The following AEBP2 variants were observed in gnomAD, a reference collection of about 807,000 sequenced individuals.
AEBP2 encodes AE binding protein 2, also known as zinc finger protein AEBP2.
A neutral mutation model predicts 50.8 loss-of-function variants in AEBP2; 10 were observed. The observed-to-expected ratio is 0.20, with a 90% confidence interval of 0.12 to 0.33. The LOEUF (loss-of-function observed/expected upper bound fraction) is 0.33. AEBP2 is among the 10% of genes least tolerant of loss of function. The probability of loss-of-function intolerance (pLI) is 1.00; values close to 1 mark genes in which losing one functional copy is unlikely to be tolerated. For synonymous variants in AEBP2, 296 were observed against 261.3 expected, an observed-to-expected ratio of 1.13 and a Z score of -1.28; for missense variants, 570 against 688.0, an observed-to-expected ratio of 0.83 and a Z score of 1.92.
At chr12:19,499,861 G>T (rs767190297) in intron 4 of AEBP2, among the ~76,000 whole-genome samples, 2 of 152,116 alleles carry the variant, frequency 1.3e-5, no homozygotes, top group Non-Finnish European at 2.9e-5. Flanking sequence ...GGAATCATGA[G>T]GTTTGAGGTT....
At chr12:19,456,366 C>G (rs908448370) in intron 1 of AEBP2, 2 of 1,379,744 alleles carry the variant, frequency 1.4e-6, no homozygotes, top group African/African-American at 2.9e-5. Flanking sequence ...AACAGCAGCG[C>G]GACCCAGAGG....
intron 2 of AEBP2, among the ~76,000 whole-genome samples, chr12:19,472,845 T>C (rs926224898): frequency 2.1e-4 from 32 of 152,238 alleles, no homozygotes; most frequent in African/African-American, 7.2e-4. Context: ...TTTAAAAAGG[T>C]ATATTTTTAC....
At chr12:19,463,500 C>G (rs1406881707) in intron 2 of AEBP2, among the ~76,000 whole-genome samples, 1 of 151,976 alleles carries the variant, frequency 6.6e-6, no homozygotes, top group Non-Finnish European at 1.5e-5. Context: ...CCTGGCATCA[C>G]TATTGAAGAA....
chr12:19,513,143 A>G (rs563517561), intron 6 of AEBP2, among the ~76,000 whole-genome samples: 1 of 152,298 alleles, frequency 6.6e-6, no homozygotes, highest in African/African-American at 2.4e-5. Flanking sequence ...TCCAAGCAGT[A>G]TACAAGCAGC....
chr12:19,494,114 C>T, intron 4 of AEBP2, 128 bp downstream of exon 4: 9 of 1,010,616 alleles, frequency 8.9e-6, no homozygotes, highest in Non-Finnish European at 1.3e-5. Context: ...GGATGCCTGT[C>T]TGTCAGTGAG....
intron 1 of AEBP2, 166 bp downstream of exon 1, chr12:19,440,536 TCTC>T (rs1947935637): frequency 8.7e-6 from 12 of 1,375,368 alleles, no homozygotes; most frequent in Non-Finnish European, 1.1e-5. Context: ...GCCGCGCCCC[TCTC>T]GCAGCGCATC....
chr12:19,419,222 G>C (rs949080362), intron 1 of AEBP2: 5 of 152,824 alleles, frequency 3.3e-5, no homozygotes, highest in African/African-American at 1.2e-4. Context: ...TTCCTGAGCA[G>C]CACCCGGAGC....
chr12:19,422,977 A>C (rs963322796), intron 1 of AEBP2, among the ~76,000 whole-genome samples: 1 of 144,902 alleles, frequency 6.9e-6, no homozygotes, highest in African/African-American at 2.5e-5. Context: ...AGGCAGGACA[A>C]TCACTTGAAC....
At chr12:19,477,099 G>A (rs1948659519) in intron 3 of AEBP2, among the ~76,000 whole-genome samples, 1 of 152,004 alleles carries the variant, frequency 6.6e-6, no homozygotes, top group Admixed American at 6.6e-5. Flanking sequence ...AAGTTCTTTA[G>A]TTGTTTCTCA....
chr12:19,455,050 T>A (rs1203982751), intron 1 of AEBP2, among the ~76,000 whole-genome samples: 1 of 151,952 alleles, frequency 6.6e-6, no homozygotes, highest in Non-Finnish European at 1.5e-5. Context: ...TCATCCAGGC[T>A]GGAGTGCAGT....
intron 2 of AEBP2, among the ~76,000 whole-genome samples, chr12:19,464,400 A>G (rs941295163): frequency 5.3e-5 from 8 of 152,016 alleles, no homozygotes; most frequent in East Asian, 1.9e-4. Context: ...ATCATGAGCT[A>G]TTTGGAAGAT....
intron 1 of AEBP2, among the ~76,000 whole-genome samples, chr12:19,453,869 T>A (rs570342841): frequency 6.6e-6 from 1 of 150,628 alleles, no homozygotes; most frequent in African/African-American, 2.4e-5. Context: ...GGATCACAGC[T>A]CACTGCAAAC....
At chr12:19,428,539 C>A (rs756710964) in intron 1 of AEBP2, among the ~76,000 whole-genome samples, 2 of 152,160 alleles carry the variant, frequency 1.3e-5, no homozygotes, top group East Asian at 3.9e-4. Context: ...AGGCTGGGTG[C>A]GGTGGCTCAC....
At chr12:19,440,686 G>A (rs1565703230) in intron 1 of AEBP2, 3 of 1,533,190 alleles carry the variant, frequency 2.0e-6, no homozygotes, top group South Asian at 1.2e-5. Context: ...ATCCTCTGGC[G>A]GAGCAGAAGA....
In AEBP2 at chr12:19,493,865, A is replaced by C; in HGVS notation, c.1053A>C (p.Thr351=). 1.9e-6 allele frequency: 3 copies of C among 1,613,974 alleles called. No individual in the cohort carries two copies. The highest frequency in any genetic ancestry group is 1.7e-6 in the Non-Finnish European group (2 of 1,179,880). The change falls in exon 4 of 8, where the codon ACA becomes ACC. Residue 351 remains threonine (T), a synonymous_variant. Transcript: ENST00000266508. The part of the protein sequence containing the change: ...SQGGLARHVP[T]HFSQQNSSKV... ...GAGGGCTAGCTCGTCATGTACCCAC[A>C]CACTTCAGTCAGCAGAACTCCTCAA...
intron 3 of AEBP2, among the ~76,000 whole-genome samples, chr12:19,482,137 G>C (rs148281233): frequency 3.1e-3 from 477 of 152,252 alleles, no homozygotes; most frequent in Admixed American, 5.6e-3. Context: ...TAGGGATGGG[G>C]CTTCCTGAGA....
At chr12:19,411,533 G>C (rs576165210) in intron 1 of AEBP2, among the ~76,000 whole-genome samples, 1 of 150,498 alleles carries the variant, frequency 6.6e-6, no homozygotes, top group Admixed American at 6.6e-5. Context: ...CTCTAAAAGG[G>C]GATTTTACAA....
At chr12:19,405,832 G>C (rs1324696169) in intron 1 of AEBP2, among the ~76,000 whole-genome samples, 3 of 151,334 alleles carry the variant, frequency 2.0e-5, no homozygotes, top group Non-Finnish European at 4.4e-5. Context: ...TTTTGAGATG[G>C]AGTCTGTGTC....
intron 1 of AEBP2, among the ~76,000 whole-genome samples, chr12:19,458,757 A>G (rs1005973144): frequency 1.3e-5 from 2 of 152,228 alleles, no homozygotes; most frequent in Admixed American, 6.5e-5. Context: ...TTGGTTTTCA[A>G]CTAATTTTGG....
Sources: gnomAD v4.1 joint callset for allele counts (sites outside exome capture counted in the v4.1 genomes callset) on GRCh38, gnomAD v4.1.1 for gene constraint, MANE v1.5 for transcripts, NCBI Gene and HGNC (gene_info 2026-07-23, HGNC 2026-07-21) for gene names.